CREB5: variants seen among roughly 807,000 people sequenced by gnomAD.
CREB5 encodes the protein cyclic AMP-responsive element-binding protein 5.
In CREB5, 19 loss-of-function variants were observed where a neutral mutation model predicts 57.1. That is an observed-to-expected ratio of 0.33 (90% confidence interval 0.23 to 0.49). The LOEUF is 0.49. CREB5 is among the 20% of genes least tolerant of loss of function. CREB5 has a pLI of 0.99. For synonymous variants in CREB5, 238 were observed against 238.3 expected, an observed-to-expected ratio of 1.00 and a Z score of 0.01; for missense variants, 579 against 671.6, an observed-to-expected ratio of 0.86 and a Z score of 1.52.
At chr7:28,792,986 T>C (rs1021284818) in intron 7 of CREB5, among the ~76,000 whole-genome samples, 2 of 152,156 alleles carry the variant, frequency 1.3e-5, no homozygotes, top group African/African-American at 4.8e-5. Flanking sequence ...TCACAGCAAG[T>C]TGATTTGGCT....
At position 28,577,656 on chromosome 7, in the gene CREB5, T is replaced by G. The variant is rs563315268; in HGVS notation, c.464+7119T>G. Among the ~76,000 whole-genome samples the G allele has an allele frequency of 4.6e-5, 7 of 152,368 alleles. No homozygotes were observed. The South Asian group carries it at 1.5e-3, about 32-fold the overall frequency. ...ACTCGAATCCAGACCACCTACTCCA[T>G]GCACTATCCCACAGTTCCCAAGAAA... On this transcript the variant is annotated intron_variant, in intron 5 of 10. Coordinates refer to ENST00000357727, the MANE Select transcript of CREB5 (RefSeq NM_182898.4).
chr7:28,757,097 A>G (rs1805363525), intron 7 of CREB5, among the ~76,000 whole-genome samples: 2 of 152,206 alleles, frequency 1.3e-5, no homozygotes, highest in African/African-American at 4.8e-5. Context: ...GTACTGTTAC[A>G]TAGTATTTCC....
intron 1 of CREB5, among the ~76,000 whole-genome samples, chr7:28,413,889 T>C (rs1204770411): frequency 1.3e-5 from 2 of 152,160 alleles, no homozygotes; most frequent in African/African-American, 2.4e-5. Context: ...CAATCAATCA[T>C]GGAGTTTCCA....
At chr7:28,668,605 C>T (rs1402376138) in intron 5 of CREB5, among the ~76,000 whole-genome samples, 1 of 152,072 alleles carries the variant, frequency 6.6e-6, no homozygotes, top group African/African-American at 2.4e-5. Flanking sequence ...GAAGTATGTA[C>T]AAAAACCAAA....
At chr7:28,310,069 G>A (rs911289600) in intron 1 of CREB5, among the ~76,000 whole-genome samples, 3 of 152,162 alleles carry the variant, frequency 2.0e-5, no homozygotes, top group Non-Finnish European at 4.4e-5. Flanking sequence ...ATTTCAGCAG[G>A]AGGAGCTAGA....
intron 5 of CREB5, among the ~76,000 whole-genome samples, chr7:28,603,592 A>G (rs1797004913): frequency 6.6e-6 from 1 of 152,184 alleles, no homozygotes; most frequent in Admixed American, 6.5e-5. Context: ...AGTTGTCTCA[A>G]AGGAGGTCTT....
intron 2 of CREB5, among the ~76,000 whole-genome samples, chr7:28,489,323 G>A (rs564750085): frequency 1.7e-5 from 2 of 116,178 alleles, no homozygotes; most frequent in Non-Finnish European, 1.7e-5. Flanking sequence ...TTTTTGAGAC[G>A]GAGTCTCGCT....
At chr7:28,773,912 C>T (rs1208157666) in intron 7 of CREB5, among the ~76,000 whole-genome samples, 3 of 152,148 alleles carry the variant, frequency 2.0e-5, no homozygotes, top group African/African-American at 7.2e-5. Context: ...CCCATGCCAA[C>T]GCTTTACAAT....
chr7:28,645,812 A>G (rs150044025), intron 5 of CREB5, among the ~76,000 whole-genome samples: 1 of 152,256 alleles, frequency 6.6e-6, no homozygotes, highest in East Asian at 1.9e-4. Context: ...GGTATATGAG[A>G]GTGTTTTCAG....
At chr7:28,657,083 A>G (rs1157166351) in intron 5 of CREB5, among the ~76,000 whole-genome samples, 1 of 152,148 alleles carries the variant, frequency 6.6e-6, no homozygotes, top group African/African-American at 2.4e-5. Flanking sequence ...CCAAACACAC[A>G]TAATCCCTCC....
At chr7:28,577,685 A>G (rs1167152092) in intron 5 of CREB5, among the ~76,000 whole-genome samples, 1 of 152,248 alleles carries the variant, frequency 6.6e-6, no homozygotes, top group African/African-American at 2.4e-5. Context: ...CAAGAAACTT[A>G]ACTTTCCCAG....
rs574688459 is a variant in CREB5 at position 28,330,875 on chromosome 7, A to G, written c.-25+31434A>G. ...TGTGGTATTATGACATTGGTGCGTC[A>G]TGTGCTTGTGAAGCTTAACAAATAT... On this transcript the variant is annotated intron_variant, in intron 1 of 9. Transcript: ENST00000396299. Among the ~76,000 whole-genome samples the G allele has an allele frequency of 2.6e-3, 396 of 152,304 alleles. 2 individuals carry two copies. Among genetic ancestry groups the G allele is most frequent in the African/African-American group, 9.1e-3 (380 of 41,570 alleles).
chr7:28,455,172 A>T (rs1454730335), intron 1 of CREB5, among the ~76,000 whole-genome samples: 1 of 152,222 alleles, frequency 6.6e-6, no homozygotes, highest in Non-Finnish European at 1.5e-5. Context: ...ATTAAAAATC[A>T]TTCACTTATC....
chr7:28,667,613 A>G (rs1799876973), intron 5 of CREB5, among the ~76,000 whole-genome samples: 1 of 151,240 alleles, frequency 6.6e-6, no homozygotes. Flanking sequence ...GAAAAAAAAG[A>G]TGAAACCGTT....
chr7:28,355,818 GCT>G (rs1786328554), intron 1 of CREB5, among the ~76,000 whole-genome samples: 1 of 152,194 alleles, frequency 6.6e-6, no homozygotes, highest in Non-Finnish European at 1.5e-5. Flanking sequence ...ATAAGAGGAG[GCT>G]CTCTCTGAGC....
intron 5 of CREB5, among the ~76,000 whole-genome samples, chr7:28,621,390 A>C (rs1293066927): frequency 6.6e-6 from 1 of 152,228 alleles, no homozygotes; most frequent in African/African-American, 2.4e-5. Context: ...ACACTATACA[A>C]GCACAATGGA....
chr7:28,472,632 G>A (rs541239331), intron 1 of CREB5, among the ~76,000 whole-genome samples: 1 of 152,256 alleles, frequency 6.6e-6, no homozygotes, highest in Non-Finnish European at 1.5e-5. Flanking sequence ...TGTATGAGAA[G>A]GTGAGCATCT....
At chr7:28,610,562 T>C (rs893862989) in intron 5 of CREB5, among the ~76,000 whole-genome samples, 1 of 152,190 alleles carries the variant, frequency 6.6e-6, no homozygotes, top group Non-Finnish European at 1.5e-5. Flanking sequence ...AAGAACTGCA[T>C]TGACAGGCTT....
chr7:28,644,506 C>T (rs1028754140), intron 5 of CREB5, among the ~76,000 whole-genome samples: 2 of 152,100 alleles, frequency 1.3e-5, no homozygotes, highest in Admixed American at 6.5e-5. Flanking sequence ...TTGTCGCGCC[C>T]CCAACGTTCC....
Sources: gnomAD v4.1 joint callset for allele counts (sites outside exome capture counted in the v4.1 genomes callset) on GRCh38, gnomAD v4.1.1 for gene constraint, MANE v1.5 for transcripts, NCBI Gene and HGNC (gene_info 2026-07-23, HGNC 2026-07-21) for gene names.